The following DCDC1 variants were observed in gnomAD, a reference collection of about 807,000 sequenced individuals.
The protein encoded by DCDC1 is doublecortin domain containing 1, also known as doublecortin domain-containing protein 1.
Under a neutral mutation model 178.3 loss-of-function variants are expected in DCDC1, and 200 were observed. That is an observed-to-expected ratio of 1.12 (90% confidence interval 1.00 to 1.26). The LOEUF (loss-of-function observed/expected upper bound fraction) is 1.26. DCDC1 is among the 50% of genes most tolerant of loss of function. DCDC1 has a pLI of 0.00. For synonymous variants in DCDC1, 690 were observed against 604.8 expected (o/e 1.14, Z -2.07); for missense variants, 1,983 against 1,749.2 (o/e 1.13, Z -2.38).
intron 3 of DCDC1, 88 bp downstream of exon 3, chr11:31,328,029 C>T: frequency 7.2e-7 from 1 of 1,385,080 alleles, no homozygotes; most frequent in Non-Finnish European, 9.5e-7. Context: ...CTGGCCCGGC[C>T]AAGACTGATT....
rs556557731 is a variant in DCDC1 at position 31,236,056 on chromosome 11, A to G, written c.1221+5394T>C. On this transcript the variant is annotated intron_variant, in intron 9 of 38. Coordinates refer to ENST00000684477, the MANE Select transcript of DCDC1 (RefSeq NM_001387274.1). Reference sequence around the variant, plus strand: ...TAGTATAATTCTAAGAGAATTAGAGAAAAACACAGATTTGAAAATTTTCTC... The same window carrying G: ...TAGTATAATTCTAAGAGAATTAGAGGAAAACACAGATTTGAAAATTTTCTC... 4.6e-5 allele frequency among the ~76,000 whole-genome samples: 7 copies of G among 152,214 alleles called. No homozygotes were observed. In the East Asian group the frequency reaches 7.7e-4, roughly 17 times the overall value.
chr11:31,147,939 A>G (rs1267647704), intron 9 of DCDC1, among the ~76,000 whole-genome samples: 1 of 152,120 alleles, frequency 6.6e-6, no homozygotes, highest in East Asian at 1.9e-4. Context: ...CTTCATGACT[A>G]TCTCTTAAGA....
intron 17 of DCDC1, among the ~76,000 whole-genome samples, chr11:31,081,671 T>C (rs2135582734): frequency 6.6e-6 from 1 of 152,036 alleles, no homozygotes; most frequent in African/African-American, 2.4e-5. Context: ...TTTACTAGCA[T>C]TTGTCAAATT....
intron 9 of DCDC1, among the ~76,000 whole-genome samples, chr11:31,164,198 G>A (rs1591277687): frequency 6.6e-6 from 1 of 152,010 alleles, no homozygotes; most frequent in Non-Finnish European, 1.5e-5. Context: ...ACAGCATTTT[G>A]ATCAACAGAA....
chr11:31,028,535 A>G (rs1402478997), intron 20 of DCDC1, among the ~76,000 whole-genome samples: 5 of 151,930 alleles, frequency 3.3e-5, no homozygotes, highest in Non-Finnish European at 7.4e-5. Context: ...TCCTGTTTTC[A>G]TTATTTACTC....
At chr11:31,146,400 A>C (rs1481911198) in intron 9 of DCDC1, among the ~76,000 whole-genome samples, 1 of 152,032 alleles carries the variant, frequency 6.6e-6, no homozygotes, top group Non-Finnish European at 1.5e-5. Flanking sequence ...TCATTTAAAT[A>C]GTTATTTTAG....
At chr11:30,968,711 T>TTA (rs71451193) in intron 20 of DCDC1, among the ~76,000 whole-genome samples, 2,012 of 60,996 alleles carry the variant, frequency 0.033, 272 homozygotes, top group African/African-American at 0.044. Context: ...ATATATCAAA[T>TTA]TATATATATA....
At chr11:30,938,801 C>T (rs1037049786) in intron 21 of DCDC1, among the ~76,000 whole-genome samples, 9 of 152,160 alleles carry the variant, frequency 5.9e-5, no homozygotes, top group Admixed American at 5.9e-4. Flanking sequence ...TTTCCCCAAG[C>T]CTGTAACATC....
chr11:31,267,052 C>T (rs910302049), intron 7 of DCDC1, among the ~76,000 whole-genome samples: 5 of 152,218 alleles, frequency 3.3e-5, no homozygotes, highest in Non-Finnish European at 4.4e-5. Context: ...CACATGCTCC[C>T]ATGACCATTC....
chr11:30,943,304 G>T (rs1330821601), intron 21 of DCDC1: 1 of 154,606 alleles, frequency 6.5e-6, no homozygotes, highest in African/African-American at 2.4e-5. Flanking sequence ...TTATCTATTT[G>T]CTATTAACAA....
intron 9 of DCDC1, among the ~76,000 whole-genome samples, chr11:31,205,565 A>C (rs1053635358): frequency 4.6e-5 from 7 of 152,180 alleles, no homozygotes; most frequent in Admixed American, 4.6e-4. Flanking sequence ...ATAAAAGTAG[A>C]AATAGATCTT....
In DCDC1 at chr11:30,917,004, A is replaced by C; in HGVS notation, c.3318T>G (p.Leu1106=). 2 of 1,608,252 alleles carry C rather than the reference A, an allele frequency of 1.2e-6. No individual in the cohort carries two copies. The highest frequency in any genetic ancestry group is 1.7e-6 in the Non-Finnish European group (2 of 1,177,584). The part of the protein sequence containing the change: ...EILDSHVRAH[L]RMKACHTLPR... ...GAAGTGTGTGACAAGCCTTCATTCG[A>C]AGATGAGCTCTTACGTGTGAATCTC... is the stretch of plus-strand genomic sequence containing the variant. The change falls in exon 26 of 39, where the codon CTT becomes CTG. Residue 1106 remains leucine, a synonymous_variant. Transcript: ENST00000684477.
At chr11:31,356,532 A>G (rs1951377600) in intron 1 of DCDC1, among the ~76,000 whole-genome samples, 2 of 151,638 alleles carry the variant, frequency 1.3e-5, no homozygotes, top group Non-Finnish European at 2.9e-5. Context: ...AAGAACTAGA[A>G]AAGCAAGAGC....
chr11:31,137,787 A>T lies in DCDC1; in HGVS notation c.1222-3T>A, dbSNP rs1185241781. The T allele has an allele frequency of 4.3e-6, 3 of 701,754 alleles. No homozygotes were observed. Among genetic ancestry groups the T allele is most frequent in the Non-Finnish European group, 7.8e-6 (3 of 384,558 alleles). 43.5% of individuals were successfully genotyped at this position (701,754 alleles called of 1,614,324 possible). ...TGTTCATTCATGACCAGGTTCAACT[A>T]GAAAAAACAAATAAACAGCATGAAA... is the stretch of plus-strand genomic sequence containing the variant. On this transcript the variant is annotated splice_region_variant and splice_polypyrimidine_tract_variant and intron_variant, in intron 9 of 38. Coordinates refer to ENST00000684477, the MANE Select transcript of DCDC1 (RefSeq NM_001387274.1).
At chr11:31,307,938 AT>A in intron 3 of DCDC1, 30 bp from the exon 4 acceptor site, 1 of 1,609,902 alleles carries the variant, frequency 6.2e-7, no homozygotes. Flanking sequence ...GAAGAATACA[AT>A]TAATTGATTT....
At chr11:31,299,023 G>C (rs1021676629) in intron 6 of DCDC1, among the ~76,000 whole-genome samples, 3 of 152,148 alleles carry the variant, frequency 2.0e-5, no homozygotes, top group African/African-American at 7.2e-5. Context: ...AAATACAAAT[G>C]CTCCGACAGT....
intron 20 of DCDC1, among the ~76,000 whole-genome samples, chr11:30,955,021 C>T (rs1443557935): frequency 6.6e-6 from 1 of 152,200 alleles, no homozygotes; most frequent in Non-Finnish European, 1.5e-5. Context: ...TAGCGAACAA[C>T]TTCAGAAGGC....
intron 1 of DCDC1, among the ~76,000 whole-genome samples, chr11:31,361,771 G>A (rs541875746): frequency 2.6e-5 from 4 of 152,146 alleles, no homozygotes; most frequent in Admixed American, 2.6e-4. Context: ...GTGAGCCAGC[G>A]CACCCAGCCC....
At chr11:30,982,953 T>C (rs1304870770) in intron 20 of DCDC1, among the ~76,000 whole-genome samples, 1 of 152,158 alleles carries the variant, frequency 6.6e-6, no homozygotes, top group African/African-American at 2.4e-5. Context: ...GGCCCGACCG[T>C]GCTCCCATCT....
Sources: gnomAD v4.1 joint callset for allele counts (sites outside exome capture counted in the v4.1 genomes callset) on GRCh38, gnomAD v4.1.1 for gene constraint, MANE v1.5 for transcripts, NCBI Gene and HGNC (gene_info 2026-07-23, HGNC 2026-07-21) for gene names.